Variants in GABRB3 observed in about 807,000 individuals in gnomAD.
GABRB3 encodes gamma-aminobutyric acid receptor subunit beta-3.
GABRB3 carries 14 observed loss-of-function variants against 52.1 expected under a neutral mutation model. The observed-to-expected ratio is 0.27, with a 90% CI of 0.18 to 0.42. The LOEUF (loss-of-function observed/expected upper bound fraction) is 0.42, where lower values mean the gene tolerates loss of function less well. Ranked by LOEUF, GABRB3 falls within the 10% of genes least tolerant of loss-of-function variation. GABRB3 has a pLI of 1.00. For synonymous variants in GABRB3, 260 were observed against 232.3 expected (o/e 1.12, Z -1.08); for missense variants, 307 against 609.1 (o/e 0.50, Z 5.22).
chr15:26,762,188 C>A (rs1028384740), intron 3 of GABRB3, among the ~76,000 whole-genome samples: 1 of 152,254 alleles, frequency 6.6e-6, no homozygotes, highest in South Asian at 2.1e-4. Flanking sequence ...TTAATACATA[C>A]AAACCTCCCC....
At chr15:26,684,572 T>C (rs981616089) in intron 3 of GABRB3, among the ~76,000 whole-genome samples, 13 of 152,202 alleles carry the variant, frequency 8.5e-5, no homozygotes, top group Non-Finnish European at 1.6e-4. Context: ...TAATCATTTC[T>C]AGCTTCTGAT....
At chr15:26,699,064 TG>T (rs1463354685) in intron 3 of GABRB3, among the ~76,000 whole-genome samples, 1 of 151,928 alleles carries the variant, frequency 6.6e-6, no homozygotes, top group East Asian at 1.9e-4. Context: ...ATGAGAACAG[TG>T]AAAAAAAGGA....
chr15:26,676,531 T>A (rs1234334357), intron 3 of GABRB3, among the ~76,000 whole-genome samples: 1 of 152,196 alleles, frequency 6.6e-6, no homozygotes, highest in East Asian at 1.9e-4. Flanking sequence ...GGGGCAGAAC[T>A]GCCATTTCTT....
chr15:26,715,172 G>A (rs954775439), intron 3 of GABRB3, among the ~76,000 whole-genome samples: 5 of 152,198 alleles, frequency 3.3e-5, no homozygotes, highest in Admixed American at 1.3e-4. Context: ...TCTCTCACCA[G>A]GACCAGCGAG....
chr15:26,730,958 T>C (rs1263467019), intron 3 of GABRB3, among the ~76,000 whole-genome samples: 1 of 152,184 alleles, frequency 6.6e-6, no homozygotes, highest in African/African-American at 2.4e-5. Flanking sequence ...ATAATGAATA[T>C]AATTTGGGTT....
At chr15:26,618,188 A>T (rs572614996) in intron 4 of GABRB3, among the ~76,000 whole-genome samples, 8 of 152,296 alleles carry the variant, frequency 5.3e-5, no homozygotes, top group African/African-American at 1.7e-4. Context: ...ACGGAACCAA[A>T]AAAGAGCCCA....
intron 3 of GABRB3, among the ~76,000 whole-genome samples, chr15:26,702,037 T>A (rs1888952399): frequency 1.3e-5 from 2 of 152,210 alleles, no homozygotes; most frequent in Middle Eastern, 3.4e-3. Flanking sequence ...GGCGAAAACA[T>A]CCATACCCCA....
chr15:26,671,630 T>C (rs979730547), intron 3 of GABRB3, among the ~76,000 whole-genome samples: 50 of 152,260 alleles, frequency 3.3e-4, no homozygotes, highest in African/African-American at 1.2e-3. Flanking sequence ...TAAAGAATTA[T>C]AAATTTCTTA....
chr15:26,666,108 C>T (rs1458615633), intron 3 of GABRB3, among the ~76,000 whole-genome samples: 1 of 152,164 alleles, frequency 6.6e-6, no homozygotes, highest in Non-Finnish European at 1.5e-5. Flanking sequence ...AGCATGCTTA[C>T]ATAAGTACAC....
At chr15:26,690,470 G>C (rs187030819) in intron 3 of GABRB3, among the ~76,000 whole-genome samples, 22 of 152,148 alleles carry the variant, frequency 1.4e-4, no homozygotes, top group African/African-American at 4.8e-4. Flanking sequence ...AGAAAGAAAC[G>C]GTTTCTTGAC....
chr15:26,702,754 C>T (rs528552216), intron 3 of GABRB3, among the ~76,000 whole-genome samples: 83 of 152,302 alleles, frequency 5.4e-4, no homozygotes, highest in African/African-American at 1.9e-3. Flanking sequence ...AAGACTTGTA[C>T]ATGAATGTTC....
chr15:26,707,892 T>C (rs1425605983), intron 3 of GABRB3, among the ~76,000 whole-genome samples: 1 of 152,182 alleles, frequency 6.6e-6, no homozygotes, highest in Non-Finnish European at 1.5e-5. Flanking sequence ...TTATCAGAAA[T>C]ACTTGGGACC....
chr15:26,752,993 T>C (rs1009595674), intron 3 of GABRB3, among the ~76,000 whole-genome samples: 1 of 152,182 alleles, frequency 6.6e-6, no homozygotes, highest in African/African-American at 2.4e-5. Flanking sequence ...ATTGTTCTTC[T>C]ATTGTTCTGG....
chr15:26,602,540 A>G (rs1283054836), intron 4 of GABRB3, among the ~76,000 whole-genome samples: 1 of 152,112 alleles, frequency 6.6e-6, no homozygotes, highest in Non-Finnish European at 1.5e-5. Context: ...ACGTTGAAAG[A>G]AACTGAAATA....
chr15:26,670,826 C>CA (rs1167930041), intron 3 of GABRB3, among the ~76,000 whole-genome samples: 8 of 152,330 alleles, frequency 5.3e-5, no homozygotes, highest in Admixed American at 3.9e-4. Flanking sequence ...TTGCCTTTTC[C>CA]AAAGACCATT....
chr15:26,683,457 G>C (rs1481070091), intron 3 of GABRB3, among the ~76,000 whole-genome samples: 1 of 152,120 alleles, frequency 6.6e-6, no homozygotes, highest in African/African-American at 2.4e-5. Flanking sequence ...TCCATCACCA[G>C]CCCCTAGTCC....
chr15:26,635,667 T>G (rs1243272874), intron 3 of GABRB3, among the ~76,000 whole-genome samples: 1 of 152,232 alleles, frequency 6.6e-6, no homozygotes, highest in African/African-American at 2.4e-5. Context: ...TGAGTATTTC[T>G]GTCTTAAGAC....
At chr15:26,726,425 T>C (rs1006880578) in intron 3 of GABRB3, among the ~76,000 whole-genome samples, 1 of 152,212 alleles carries the variant, frequency 6.6e-6, no homozygotes, top group African/African-American at 2.4e-5. Context: ...TGAATGTCAC[T>C]GATAGTTCCA....
At chr15:26,594,043 G>A (rs1196450714) in intron 4 of GABRB3, among the ~76,000 whole-genome samples, 1 of 146,968 alleles carries the variant, frequency 6.8e-6, no homozygotes, top group East Asian at 2.1e-4. Flanking sequence ...ATCTCATTGT[G>A]GTTTAAGGAA....
Sources: gnomAD v4.1 joint callset for allele counts (sites outside exome capture counted in the v4.1 genomes callset) on GRCh38, gnomAD v4.1.1 for gene constraint, MANE v1.5 for transcripts, NCBI Gene and HGNC (gene_info 2026-07-23, HGNC 2026-07-21) for gene names.